Variants in RAD54L2 observed in about 807,000 individuals in gnomAD.
The protein encoded by RAD54L2 is RAD54 like 2.
RAD54L2 carries 27 observed loss-of-function variants against 138.4 expected under a neutral mutation model. The ratio of observed to expected loss-of-function variants is 0.20; its 90% CI spans 0.14 to 0.27. The LOEUF (loss-of-function observed/expected upper bound fraction) is 0.27. Among genes scored for constraint, RAD54L2 ranks in the 10% least tolerant of loss-of-function variants. RAD54L2 has a pLI of 1.00. For synonymous variants in RAD54L2, 644 were observed against 723.2 expected, an observed-to-expected ratio of 0.89 and a Z score of 1.76; for missense variants, 1,396 against 1,890.2, an observed-to-expected ratio of 0.74 and a Z score of 4.85.
Position 51,645,714 on chromosome 3 carries a change from A to G in RAD54L2, c.2780A>G (p.Glu927Gly). The G allele has an allele frequency of 6.2e-7, 1 of 1,612,932 alleles. No individual in the cohort carries two copies. Among genetic ancestry groups the G allele is most frequent in the Non-Finnish European group, 8.5e-7 (1 of 1,179,532 alleles). Reference protein sequence around the residue: ...QVSLNVKGIKESVLQLACLKY... With the variant: ...QVSLNVKGIKGSVLQLACLKY... ...TCCTTGAACGTAAAGGGGATCAAGG[A>G]GTCAGTCCTGCAACTGGCCTGTCTG... The change falls in exon 18 of 23, where the codon GAG becomes GGG. Residue 927 changes from glutamate to glycine, a missense_variant. By Grantham distance (98) the Glu-to-Gly change is moderately conservative. Around this residue, in one of 7 missense-constraint regions of RAD54L2, gnomAD observed 634 missense variants for 711.2 expected, o/e 0.89. Coordinates refer to ENST00000684192, the MANE Select transcript of RAD54L2 (RefSeq NM_015106.4). This position sits in a 1 kb window ranked among gnomAD's most constrained non-coding sequence, Gnocchi z 6.1.
At chr3:51,551,419 C>T (rs1191045364) in intron 2 of RAD54L2, among the ~76,000 whole-genome samples, 1 of 151,720 alleles carries the variant, frequency 6.6e-6, no homozygotes, top group Non-Finnish European at 1.5e-5. Context: ...AGGCATGAGC[C>T]ATCATGCCTG....
At chr3:51,607,752 G>A (rs1337145035) in intron 3 of RAD54L2, among the ~76,000 whole-genome samples, 5 of 149,892 alleles carry the variant, frequency 3.3e-5, no homozygotes, top group African/African-American at 1.2e-4. Context: ...CTTCCCAGAC[G>A]GGGTGGCCGG....
intron 2 of RAD54L2, among the ~76,000 whole-genome samples, chr3:51,589,013 G>T (rs1052082467): frequency 1.3e-5 from 2 of 152,132 alleles, no homozygotes; most frequent in Admixed American, 1.3e-4. Context: ...CCACACACCA[G>T]CCCTAAGTAT....
Position 51,616,657 on chromosome 3 carries a change from G to A in RAD54L2, c.140-10896G>A, listed in dbSNP as rs909101308. Reference sequence around the variant, plus strand: ...AGCCTGGCCAACATGGTGAAACCCCGTCTCTACTAAAAATAGAAAAATTAG... The same window carrying A: ...AGCCTGGCCAACATGGTGAAACCCCATCTCTACTAAAAATAGAAAAATTAG... On this transcript the variant is annotated intron_variant, in intron 3 of 22. Transcript: ENST00000684192. Among the ~76,000 whole-genome samples the A allele has an allele frequency of 3.3e-5, 5 of 151,928 alleles. No homozygotes were observed. In the East Asian group the frequency reaches 7.8e-4, roughly 24 times the overall value.
Position 51,655,984 on chromosome 3 carries a change from A to G in RAD54L2, c.3040A>G (p.Lys1014Glu), listed in dbSNP as rs757553955. The change falls in exon 20 of 23, where the codon AAG becomes GAG. Residue 1014 changes from lysine to glutamate, a missense_variant. By Grantham distance (56) the Lys-to-Glu change is moderately conservative. Coordinates refer to ENST00000684192, the MANE Select transcript of RAD54L2 (RefSeq NM_015106.4). ...TTTCTCTTACAGGCAGCCAACTTTGAAGGGTGATGAAAAGCCTGTGGCCAG... is the reference window on the plus strand; with the variant it reads ...TTTCTCTTACAGGCAGCCAACTTTGGAGGGTGATGAAAAGCCTGTGGCCAG... ...FSQRNWQPTL[K>E]GDEKPVASVR... The G allele has an allele frequency of 6.2e-7, 1 of 1,601,204 alleles. No homozygotes were observed. Among genetic ancestry groups the G allele is most frequent in the East Asian group, 2.2e-5 (1 of 44,612 alleles).
intron 20 of RAD54L2, 109 bp downstream of exon 20, chr3:51,656,279 T>A: frequency 9.7e-7 from 1 of 1,029,374 alleles, no homozygotes; most frequent in Non-Finnish European, 1.4e-6. Context: ...TTACTACATT[T>A]GGCACTCTTG....
chr3:51,631,209 T>A (rs1182509153), intron 7 of RAD54L2, among the ~76,000 whole-genome samples: 1 of 152,134 alleles, frequency 6.6e-6, no homozygotes, highest in African/African-American at 2.4e-5. Context: ...TTGAGCCTCT[T>A]TCTGTGGGAT....
chr3:51,562,085 G>C (rs912388452), intron 2 of RAD54L2, among the ~76,000 whole-genome samples: 1 of 151,610 alleles, frequency 6.6e-6, no homozygotes, highest in Non-Finnish European at 1.5e-5. Flanking sequence ...GCCCAGGCTG[G>C]AGTGCAGTGG....
At chr3:51,630,042 C>T (rs1231525957) in intron 5 of RAD54L2, among the ~76,000 whole-genome samples, 1 of 151,862 alleles carries the variant, frequency 6.6e-6, no homozygotes, top group East Asian at 1.9e-4. Flanking sequence ...TTTAACTTAC[C>T]AAAGGATTGG....
chr3:51,628,625 A>C (rs1426031599), intron 4 of RAD54L2, among the ~76,000 whole-genome samples: 1 of 151,262 alleles, frequency 6.6e-6, no homozygotes, highest in Non-Finnish European at 1.5e-5. Context: ...CCTGGCTTCA[A>C]GTGAACTGCC....
In RAD54L2 at chr3:51,645,721, C is replaced by T; in HGVS notation, c.2787C>T (p.Val929=). ...SLNVKGIKES[V]LQLACLKYPH... ...ACGTAAAGGGGATCAAGGAGTCAGT[C>T]CTGCAACTGGCCTGTCTGAAGTACC... Residue 929 remains valine, a synonymous_variant, in exon 18 of 23, where the codon GTC becomes GTT. Transcript: ENST00000684192. This position sits in a 1 kb window ranked among gnomAD's most constrained non-coding sequence, Gnocchi z 6.1. The T allele has an allele frequency of 1.2e-6, 2 of 1,612,900 alleles. No individual in the cohort carries two copies. Among genetic ancestry groups the T allele is most frequent in the Non-Finnish European group, 1.7e-6 (2 of 1,179,506 alleles).
intron 3 of RAD54L2, among the ~76,000 whole-genome samples, chr3:51,618,027 C>T (rs1305302365): frequency 2.0e-5 from 3 of 151,694 alleles, no homozygotes; most frequent in Non-Finnish European, 2.9e-5. Flanking sequence ...GGTGCTATCT[C>T]GCCTCATTAC....
At position 51,633,568 on chromosome 3, in the gene RAD54L2, C is replaced by G; in HGVS notation, c.826-9C>G. The stretch of plus-strand genomic sequence containing the variant: ...AGCCCCTCTGACATTTGTCTTTGTC[C>G]CTTGTCAGATTGGCGGGATCCGGTT... On this transcript the variant is annotated splice_polypyrimidine_tract_variant and intron_variant, in intron 7 of 22. Transcript: ENST00000684192. The G allele has an allele frequency of 1.2e-6, 2 of 1,610,354 alleles. No individual in the cohort carries two copies. Among genetic ancestry groups the G allele is most frequent in the South Asian group, 2.2e-5 (2 of 90,896 alleles).
At position 51,662,522 on chromosome 3, in the gene RAD54L2, C is replaced by G. The variant is rs376762989; in HGVS notation, c.3506C>G (p.Ser1169Cys). The stretch of plus-strand genomic sequence containing the variant: ...CCTGAGGGGCTGGCCAGGCCCGTCT[C>G]TCCTGACAGCCCAGAGATCATCAGT... ...PDPEGLARPV[S>C]PDSPEIISEL... is the part of the protein sequence containing the mutation. Residue 1169 changes from serine (S) to cysteine (C), a missense_variant, in exon 23 of 23, where the codon TCT becomes TGT. By Grantham distance (112) the Ser-to-Cys change is moderately radical. This residue lies in a region of RAD54L2 where 634 missense variants were observed against 711.2 expected (regional missense o/e 0.89). Transcript: ENST00000684192. The surrounding 1 kb of genome is among the most constrained non-coding windows in gnomAD (Gnocchi z 4.6). The G allele has an allele frequency of 6.2e-7, 1 of 1,613,354 alleles. No homozygotes were observed. Among genetic ancestry groups the G allele is most frequent in the Non-Finnish European group, 8.5e-7 (1 of 1,179,644 alleles).
chr3:51,554,554 C>T (rs2108695141), intron 2 of RAD54L2, among the ~76,000 whole-genome samples: 1 of 152,110 alleles, frequency 6.6e-6, no homozygotes, highest in Non-Finnish European at 1.5e-5. Context: ...AAATAAATGA[C>T]AGATGACGAA....
chr3:51,660,348 G>A (rs559560498), intron 22 of RAD54L2, among the ~76,000 whole-genome samples: 5 of 151,510 alleles, frequency 3.3e-5, no homozygotes, highest in South Asian at 2.1e-4. Flanking sequence ...TCGCTCTGTC[G>A]CCCAGGCTGG....
At chr3:51,609,704 G>A (rs1404034533) in intron 3 of RAD54L2, among the ~76,000 whole-genome samples, 1 of 118,150 alleles carries the variant, frequency 8.5e-6, no homozygotes, top group Non-Finnish European at 1.8e-5. Context: ...GCATTTGTGT[G>A]TGTGTGTGTG....
chr3:51,627,538 C>T lies in RAD54L2; in HGVS notation c.140-15C>T. On this transcript the variant is annotated splice_polypyrimidine_tract_variant and intron_variant, in intron 3 of 22. Coordinates refer to ENST00000684192, the MANE Select transcript of RAD54L2 (RefSeq NM_015106.4). ...TCACCCCTATAAAGCAATGTCTTTCCCCTTGTTTTTTCAGACCCATCCCTG... is the reference window on the plus strand; with the variant it reads ...TCACCCCTATAAAGCAATGTCTTTCTCCTTGTTTTTTCAGACCCATCCCTG... 11 of 1,549,098 alleles carry T rather than the reference C, an allele frequency of 7.1e-6. No homozygotes were observed. Among genetic ancestry groups the T allele is most frequent in the Non-Finnish European group, 9.6e-6 (11 of 1,146,204 alleles).
intron 3 of RAD54L2, among the ~76,000 whole-genome samples, chr3:51,596,983 G>A (rs1274230800): frequency 6.6e-6 from 1 of 152,000 alleles, no homozygotes; most frequent in Non-Finnish European, 1.5e-5. Context: ...TGGCCAACAT[G>A]GTGAAACCCC....
Sources: allele counts gnomAD v4.1 joint callset (sites outside exome capture counted in the v4.1 genomes callset), GRCh38; gene constraint gnomAD v4.1.1; regional missense constraint gnomAD v4.1.1; non-coding constraint Gnocchi (gnomAD v3.1); transcripts MANE v1.5; gene names NCBI Gene and HGNC (gene_info 2026-07-23, HGNC 2026-07-21).